KCNMA1: variants seen among roughly 807,000 people sequenced by gnomAD.
KCNMA1 encodes Calcium-activated potassium channel subunit alpha-1.
In KCNMA1, 29 loss-of-function variants were observed where a neutral mutation model predicts 140.0. The ratio of observed to expected loss-of-function variants is 0.21; its 90% CI spans 0.15 to 0.28. The LOEUF is 0.28. Among genes scored for constraint, KCNMA1 ranks in the 10% least tolerant of loss-of-function variants. The pLI is 1.00. For missense variants in KCNMA1, 880 were observed against 1,602.2 expected (o/e 0.55, Z 7.70); for synonymous variants, 612 against 611.9 (o/e 1.00, Z 0.00).
intron 14 of KCNMA1, among the ~76,000 whole-genome samples, chr10:77,053,775 C>T (rs2095452350): frequency 6.6e-6 from 1 of 152,154 alleles, no homozygotes. Context: ...GCACCTACCT[C>T]CATCTCTTAA....
intron 2 of KCNMA1, among the ~76,000 whole-genome samples, chr10:77,316,174 C>G (rs1307902421): frequency 6.6e-6 from 1 of 152,150 alleles, no homozygotes; most frequent in Admixed American, 6.5e-5. Context: ...GCAGACAGGA[C>G]TCTCAAAATC....
intron 26 of KCNMA1, 166 bp from the exon 27 acceptor site, chr10:76,889,735 A>G: frequency 2.9e-6 from 2 of 692,026 alleles, no homozygotes. Flanking sequence ...TGTTTAACAG[A>G]CTACACCCAA....
At chr10:77,515,374 A>G (rs552402971) in intron 1 of KCNMA1, among the ~76,000 whole-genome samples, 35 of 149,974 alleles carry the variant, frequency 2.3e-4, no homozygotes, top group African/African-American at 8.3e-4. Context: ...GCAATTGATG[A>G]AAAAAAAAAT....
chr10:76,975,501 T>C (rs1428268055), intron 19 of KCNMA1: 1 of 152,276 alleles, frequency 6.6e-6, no homozygotes, highest in Non-Finnish European at 1.5e-5. Flanking sequence ...TTTGGTAGTA[T>C]GATTCCTGTA....
chr10:76,924,464 A>G (rs1307151923), intron 23 of KCNMA1, among the ~76,000 whole-genome samples: 2 of 152,198 alleles, frequency 1.3e-5, no homozygotes, highest in Non-Finnish European at 2.9e-5. Context: ...TAAATTTTCT[A>G]AAATAAACAC....
intron 1 of KCNMA1, among the ~76,000 whole-genome samples, chr10:77,608,499 C>G (rs542643470): frequency 1.3e-3 from 205 of 152,206 alleles, no homozygotes; most frequent in Non-Finnish European, 2.5e-3. Context: ...TGCAGGGAAG[C>G]CTTCCCTGAG....
At chr10:77,510,979 G>A (rs952256632) in intron 1 of KCNMA1, among the ~76,000 whole-genome samples, 6 of 152,212 alleles carry the variant, frequency 3.9e-5, no homozygotes, top group Non-Finnish European at 8.8e-5. Flanking sequence ...GAGCAGTGCT[G>A]CTCCACTCCT....
At chr10:77,525,809 G>A (rs2055384169) in intron 1 of KCNMA1, among the ~76,000 whole-genome samples, 1 of 152,134 alleles carries the variant, frequency 6.6e-6, no homozygotes, top group African/African-American at 2.4e-5. Context: ...GCCCCATCTT[G>A]TCCAGGTTCC....
chr10:77,028,967 G>A (rs1387142567), intron 15 of KCNMA1, among the ~76,000 whole-genome samples: 1 of 152,056 alleles, frequency 6.6e-6, no homozygotes, highest in East Asian at 1.9e-4. Flanking sequence ...CCAATAATAA[G>A]GCCATAAAGT....
At chr10:77,595,582 T>C (rs1031055620) in intron 1 of KCNMA1, among the ~76,000 whole-genome samples, 4 of 150,794 alleles carry the variant, frequency 2.7e-5, no homozygotes, top group African/African-American at 9.7e-5. Context: ...GCTCTTCCTT[T>C]TCTCAAACAC....
rs192640716 is a variant in KCNMA1, at chr10:77,528,684, T to C, written c.378+108581A>G. Among the ~76,000 whole-genome samples, 374 of 151,212 alleles carry C rather than the reference T, an allele frequency of 2.5e-3. 1 individual carries two copies. The highest frequency in any genetic ancestry group is 4.6e-3 in the Non-Finnish European group (309 of 67,866). On this transcript the variant is annotated intron_variant, in intron 1 of 27. Transcript: ENST00000286628. ...GTGTTCATAGCAGCACTATTCACAA[T>C]AGCCAAAGGCGGAAACAACACAGAT...
chr10:77,386,419 A>G (rs1259109145), intron 2 of KCNMA1, among the ~76,000 whole-genome samples: 1 of 152,190 alleles, frequency 6.6e-6, no homozygotes, highest in Non-Finnish European at 1.5e-5. Context: ...GGAACGAATG[A>G]GGAGTCTGAG....
chr10:76,990,255 A>G (rs1476917702), intron 19 of KCNMA1, among the ~76,000 whole-genome samples: 1 of 152,226 alleles, frequency 6.6e-6, no homozygotes, highest in Non-Finnish European at 1.5e-5. Flanking sequence ...ATGAGCATCT[A>G]CTTGGTGAAC....
At chr10:76,872,438 A>G (rs2031531628), downstream of KCNMA1, 1 of 152,194 alleles carries the variant, frequency 6.6e-6, no homozygotes, top group Admixed American at 6.5e-5. Context: ...ATGCACAGCC[A>G]TTGCTGCCCC....
intron 14 of KCNMA1, among the ~76,000 whole-genome samples, chr10:77,044,129 T>A (rs866120085): frequency 6.6e-6 from 1 of 152,150 alleles, no homozygotes; most frequent in East Asian, 1.9e-4. Context: ...AATAGGCCAA[T>A]CACATCAGAC....
chr10:77,307,260 C>T (rs2078015571), intron 2 of KCNMA1, among the ~76,000 whole-genome samples: 1 of 152,194 alleles, frequency 6.6e-6, no homozygotes, highest in Non-Finnish European at 1.5e-5. Flanking sequence ...CTCTTCCAAG[C>T]TCCAAGGGCA....
At chr10:77,215,675 T>C (rs1274381871) in intron 3 of KCNMA1, among the ~76,000 whole-genome samples, 8 of 152,148 alleles carry the variant, frequency 5.3e-5, no homozygotes, top group South Asian at 2.1e-4. Context: ...TACCATATCT[T>C]GATGTGCTAT....
chr10:77,033,258 G>A (rs1594281331), intron 15 of KCNMA1, among the ~76,000 whole-genome samples: 1 of 152,150 alleles, frequency 6.6e-6, no homozygotes, highest in East Asian at 1.9e-4. Flanking sequence ...AAATATCCAG[G>A]TAAAGAAACT....
intron 1 of KCNMA1, among the ~76,000 whole-genome samples, chr10:77,454,553 C>A (rs1237127349): frequency 2.6e-5 from 4 of 152,166 alleles, no homozygotes; most frequent in Non-Finnish European, 5.9e-5. Context: ...GTTTTAGCCA[C>A]CTGACCCCCT....
Sources: allele counts gnomAD v4.1 joint callset (sites outside exome capture counted in the v4.1 genomes callset), GRCh38; gene constraint gnomAD v4.1.1; transcripts MANE v1.5; gene names NCBI Gene and HGNC (gene_info 2026-07-23, HGNC 2026-07-21).